The following OR5P3 variants were observed in gnomAD, a reference collection of about 807,000 sequenced individuals.
OR5P3 encodes olfactory receptor family 5 subfamily P member 3.
For missense variants in OR5P3, 415 were observed against 375.6 expected (o/e 1.10, Z -0.87); for synonymous variants, 172 against 141.8 (o/e 1.21, Z -1.51).
Position 7,824,998 on chromosome 11 carries a change from AATATTAAT to A in OR5P3, c.*31_*38del, listed in dbSNP as rs1857712914. The A allele has an allele frequency of 7.0e-7, 1 of 1,427,432 alleles. No homozygotes were observed. The allele number at this position is 1,427,432 out of a possible 1,614,324, so 88.4% of individuals were successfully genotyped here. A position where few individuals can be genotyped will look rare whatever the true frequency, so the allele number is the denominator to read the frequency against. Reference sequence around the variant, plus strand: ...GGTGTCTTATTATTATTATATATAGAATATTAATATATCAGATTCTTCAAACTAACTAG... The same window carrying A: ...GGTGTCTTATTATTATTATATATAGAATATCAGATTCTTCAAACTAACTAG... On this transcript the variant is annotated 3_prime_UTR_variant, in exon 2 of 2. Transcript: ENST00000641167.
At position 7,825,287 on chromosome 11, in the gene OR5P3, T is replaced by C. The variant is rs139657716; in HGVS notation, c.686A>G (p.His229Arg). 1.5e-5 allele frequency: 24 copies of C among 1,612,602 alleles called. No homozygotes were observed. In the African/African-American group the frequency reaches 3.0e-4, roughly 20 times the overall value. ...GGCCTTGTGGCGGCCCTTGGTGGAG[T>C]GCATCTTCAGGATGGTGATGAGGAT... Reference protein sequence around the residue: ...IYILITILKMHSTKGRHKAFS... With the variant: ...IYILITILKMRSTKGRHKAFS... Residue 229 changes from histidine (H) to arginine (R), a missense_variant, in exon 2 of 2, where the codon CAC becomes CGC. Coordinates refer to ENST00000641167, the MANE Select transcript of OR5P3 (RefSeq NM_153445.2).
rs757373857 is a variant in OR5P3 at position 7,825,354 on chromosome 11, T to C, written c.619A>G (p.Ile207Val). 3 of 1,613,014 alleles carry C rather than the reference T, an allele frequency of 1.9e-6. No individual in the cohort carries two copies. Among genetic ancestry groups the C allele is most frequent in the Non-Finnish European group, 2.5e-6 (3 of 1,180,028 alleles). Reference sequence around the variant, plus strand: ...GCTATGACACACACAGTGGCCACAATGATAGATCCAGAAGAGATAGCTGGA... The same window carrying C: ...GCTATGACACACACAGTGGCCACAACGATAGATCCAGAAGAGATAGCTGGA... ...IIPAISSGSI[I>V]VATVCVIAIS... The change falls in exon 2 of 2, where the codon ATT (isoleucine) becomes GTT (valine). Residue 207 changes from isoleucine to valine, a missense_variant. By Grantham distance (29) the Ile-to-Val change is conservative. Transcript: ENST00000641167.
At chr11:7,826,086 A>G in intron 1 of OR5P3, 93 bp from the exon 2 acceptor site, 1 of 627,562 alleles carries the variant, frequency 1.6e-6, no homozygotes, top group Non-Finnish European at 2.7e-6. Flanking sequence ...AAGTATAACA[A>G]TTTAGGCACT....
At position 7,825,867 on chromosome 11, in the gene OR5P3, C is replaced by T. The variant is rs777463642; in HGVS notation, c.106G>A (p.Val36Ile). 2.7e-5 allele frequency: 43 copies of T among 1,610,912 alleles called. 3 individuals carry two copies. In the Admixed American group the frequency reaches 5.0e-4, roughly 19 times the overall value. Residue 36 changes from valine (V) to isoleucine (I), a missense_variant, in exon 2 of 2, where the codon GTT (valine) becomes ATT (isoleucine). Val to Ile is a conservative substitution (Grantham distance 29). Transcript: ENST00000641167. ...ILFLVFLGIY[V>I]VTLMGNISII... ...CTGATATTACCCATTAAGGTGACAA[C>T]ATAAATTCCTAGAAACACAAGAAAT... is the stretch of plus-strand genomic sequence containing the variant.
intron 1 of OR5P3, among the ~76,000 whole-genome samples, chr11:7,827,291 T>C (rs1857755056): frequency 2.6e-5 from 4 of 152,312 alleles, no homozygotes; most frequent in East Asian, 1.9e-4. Context: ...ATAATACATT[T>C]ACTCTTGAAA....
Position 7,824,921 on chromosome 11 carries a change from C to A in OR5P3, c.*116G>T. On this transcript the variant is annotated 3_prime_UTR_variant, in exon 2 of 2. Coordinates refer to ENST00000641167, the MANE Select transcript of OR5P3 (RefSeq NM_153445.2). ...TCTTCCCTCCTGATTGACTAAAAAG[C>A]TCCACACTGGGTAATGGTCTATGGA... is the stretch of plus-strand genomic sequence containing the variant. 1 of 677,104 alleles carries A rather than the reference C, an allele frequency of 1.5e-6. No individual in the cohort carries two copies. The highest frequency in any genetic ancestry group is 2.2e-6 in the Non-Finnish European group (1 of 456,026). The allele number at this position is 677,104 out of a possible 1,614,324, so 41.9% of individuals were successfully genotyped here.
chr11:7,825,287 T>G lies in OR5P3; in HGVS notation c.686A>C (p.His229Pro). The stretch of plus-strand genomic sequence containing the variant: ...GGCCTTGTGGCGGCCCTTGGTGGAG[T>G]GCATCTTCAGGATGGTGATGAGGAT... ...IYILITILKM[H>P]STKGRHKAFS... The change falls in exon 2 of 2, where the codon CAC becomes CCC. Residue 229 changes from histidine (H) to proline (P), a missense_variant. Transcript: ENST00000641167. 2 of 1,612,720 alleles carry G rather than the reference T, an allele frequency of 1.2e-6. No individual in the cohort carries two copies. Among genetic ancestry groups the G allele is most frequent in the Non-Finnish European group, 8.5e-7 (1 of 1,179,930 alleles).
intron 1 of OR5P3, among the ~76,000 whole-genome samples, chr11:7,830,478 G>C (rs542797103): frequency 2.6e-5 from 4 of 152,142 alleles, no homozygotes; most frequent in Non-Finnish European, 5.9e-5. Context: ...TTCAGAGTCA[G>C]TTATACATGC....
chr11:7,829,528 A>G (rs939980734), intron 1 of OR5P3, among the ~76,000 whole-genome samples: 3 of 152,206 alleles, frequency 2.0e-5, no homozygotes, highest in African/African-American at 7.2e-5. Flanking sequence ...GCACTATGAA[A>G]GAGATTCAGG....
At chr11:7,830,217 C>T (rs1169996846) in intron 1 of OR5P3, among the ~76,000 whole-genome samples, 1 of 152,170 alleles carries the variant, frequency 6.6e-6, no homozygotes, top group Admixed American at 6.5e-5. Flanking sequence ...CACACACACA[C>T]TGGCATCAAA....
intron 1 of OR5P3, among the ~76,000 whole-genome samples, chr11:7,829,983 C>T (rs142319075): frequency 3.5e-4 from 54 of 152,280 alleles, no homozygotes; most frequent in African/African-American, 1.2e-3. Flanking sequence ...TGTTTTCCTA[C>T]ATCATTTAAT....
At chr11:7,828,235 G>T (rs61889018) in intron 1 of OR5P3, among the ~76,000 whole-genome samples, 3 of 152,202 alleles carry the variant, frequency 2.0e-5, no homozygotes, top group African/African-American at 7.2e-5. Context: ...TAAGGGAAAT[G>T]GAATGTTCAA....
At position 7,824,938 on chromosome 11, in the gene OR5P3, G is replaced by T; in HGVS notation, c.*99C>A. On this transcript the variant is annotated 3_prime_UTR_variant, in exon 2 of 2. Transcript: ENST00000641167. Reference sequence around the variant, plus strand: ...CTAAAAAGCTCCACACTGGGTAATGGTCTATGGACAGATAAATTTTGACCA... The same window carrying T: ...CTAAAAAGCTCCACACTGGGTAATGTTCTATGGACAGATAAATTTTGACCA... The T allele has an allele frequency of 4.2e-6, 4 of 942,442 alleles. No individual in the cohort carries two copies. The highest frequency in any genetic ancestry group is 6.1e-6 in the Non-Finnish European group (4 of 656,842). 58.4% of individuals were successfully genotyped at this position (942,442 alleles called of 1,614,324 possible). A position where few individuals can be genotyped will look rare whatever the true frequency, so the allele number is the denominator to read the frequency against.
intron 1 of OR5P3, among the ~76,000 whole-genome samples, chr11:7,829,230 T>C (rs146206864): frequency 5.0e-4 from 76 of 152,282 alleles, no homozygotes; most frequent in African/African-American, 1.7e-3. Flanking sequence ...TTGCAGTGGC[T>C]GCTACAAAAA....
At position 7,825,803 on chromosome 11, in the gene OR5P3, G is replaced by A. The variant is rs1857732520; in HGVS notation, c.170C>T (p.Thr57Ile). The change falls in exon 2 of 2, where the codon ACA (threonine) becomes ATA (isoleucine). Residue 57 changes from threonine to isoleucine, a missense_variant. Transcript: ENST00000641167. ...ATGGCAGAGGAAAATGTACATGGGT[G>A]TATGAAGATGATGACTTCTTCTGAT... ...VLIRRSHHLH[T>I]PMYIFLCHLA... is the part of the protein sequence containing the mutation. The A allele has an allele frequency of 1.2e-6, 2 of 1,613,216 alleles. No individual in the cohort carries two copies. Among genetic ancestry groups the A allele is most frequent in the Non-Finnish European group, 8.5e-7 (1 of 1,180,002 alleles).
chr11:7,830,332 GA>G (rs1857796279), intron 1 of OR5P3, among the ~76,000 whole-genome samples: 1 of 152,158 alleles, frequency 6.6e-6, no homozygotes, highest in Admixed American at 6.6e-5. Context: ...GCTATGTTAA[GA>G]ACACCATGCA....
At chr11:7,826,023 G>T in intron 1 of OR5P3, 30 bp from the exon 2 acceptor site, 1 of 989,444 alleles carries the variant, frequency 1.0e-6, no homozygotes, top group Non-Finnish European at 1.5e-6. Flanking sequence ...ATATTATAAT[G>T]GGATTAAATG....
In OR5P3 at chr11:7,825,527, T is replaced by A. The variant is rs1483878677; in HGVS notation, c.446A>T (p.Tyr149Phe). 7.4e-6 allele frequency: 12 copies of A among 1,612,964 alleles called. No homozygotes were observed. The highest frequency in any genetic ancestry group is 9.3e-6 in the Non-Finnish European group (11 of 1,180,010). Residue 149 changes from tyrosine (Y) to phenylalanine (F), a missense_variant, in exon 2 of 2, where the codon TAC (tyrosine) becomes TTC (phenylalanine). By Grantham distance (22) the Tyr-to-Phe change is conservative (BLOSUM62 3). Coordinates refer to ENST00000641167, the MANE Select transcript of OR5P3 (RefSeq NM_153445.2). Reference sequence around the variant, plus strand: ...CCAAGCATTCACACATCCACCCAGGTAGGACATGCCCACTAAGATGATGCA... The same window carrying A: ...CCAAGCATTCACACATCCACCCAGGAAGGACATGCCCACTAAGATGATGCA... ...GVCIILVGMS[Y>F]LGGCVNAWTF...
In OR5P3 at chr11:7,825,797, A is replaced by G. The variant is rs772279725; in HGVS notation, c.176T>C (p.Met59Thr). ...GGCCAAATGGCAGAGGAAAATGTAC[A>G]TGGGTGTATGAAGATGATGACTTCT... Reference protein sequence around the residue: ...IRRSHHLHTPMYIFLCHLAFV... With the variant: ...IRRSHHLHTPTYIFLCHLAFV... Residue 59 changes from methionine (M) to threonine (T), a missense_variant, in exon 2 of 2, where the codon ATG (methionine) becomes ACG (threonine). Coordinates refer to ENST00000641167, the MANE Select transcript of OR5P3 (RefSeq NM_153445.2). The G allele has an allele frequency of 2.5e-6, 4 of 1,613,288 alleles. No homozygotes were observed. Among genetic ancestry groups the G allele is most frequent in the Non-Finnish European group, 2.5e-6 (3 of 1,180,018 alleles).
Sources: gnomAD v4.1 joint callset for allele counts (sites outside exome capture counted in the v4.1 genomes callset) on GRCh38, gnomAD v4.1.1 for gene constraint, MANE v1.5 for transcripts, NCBI Gene and HGNC (gene_info 2026-07-23, HGNC 2026-07-21) for gene names.